MYH15: variants seen among roughly 807,000 people sequenced by gnomAD.
MYH15 encodes the protein myosin-15.
A neutral mutation model predicts 240.5 loss-of-function variants in MYH15; 227 were observed. The observed-to-expected ratio is 0.94, with a 90% CI of 0.85 to 1.05. The LOEUF (loss-of-function observed/expected upper bound fraction) is 1.05, where lower values mean the gene tolerates loss of function less well. MYH15 is among the 50% of genes least tolerant of loss of function. MYH15 has a pLI of 0.00. For synonymous variants in MYH15, 785 were observed against 796.7 expected (o/e 0.99, Z 0.25); for missense variants, 2,217 against 2,247.5 (o/e 0.99, Z 0.27).
At chr3:108,408,216 T>C (rs1269622808) in intron 32 of MYH15, 64 bp downstream of exon 32, 7 of 1,537,250 alleles carry the variant, frequency 4.6e-6, no homozygotes, top group Non-Finnish European at 6.1e-6. Context: ...GCTGCTGTTA[T>C]TGCTGAATGC....
Position 108,455,713 on chromosome 3 carries a change from A to G in MYH15, c.2262+23T>C, listed in dbSNP as rs769623921. 4 of 1,612,460 alleles carry G rather than the reference A, an allele frequency of 2.5e-6. No individual in the cohort carries two copies. The Admixed American group carries it at 5.0e-5, about 20-fold the overall frequency. ...CTTCCCCCCATTCGTCTCCAAATGC[A>G]TTCTTTGCAGTTTTCTGGTTACCTT... On this transcript the variant is annotated intron_variant, in intron 20 of 40. Coordinates refer to ENST00000693548, the MANE Select transcript of MYH15 (RefSeq NM_014981.3).
intron 29 of MYH15, among the ~76,000 whole-genome samples, chr3:108,416,261 G>T (rs1291500192): frequency 6.6e-6 from 1 of 152,136 alleles, no homozygotes; most frequent in African/African-American, 2.4e-5. Flanking sequence ...ATAGTTTGGG[G>T]TCTTAGTAAT....
rs2083084951 is a variant in MYH15 at position 108,463,131 on chromosome 3, T to G, written c.1844A>C (p.Asn615Thr). 2 of 1,611,210 alleles carry G rather than the reference T, an allele frequency of 1.2e-6. No individual in the cohort carries two copies. Among genetic ancestry groups the G allele is most frequent in the African/African-American group, 2.7e-5 (2 of 74,694 alleles). ...CTCACCACTGTCAGTACTCATGTAA[T>G]TTTCAAAAAGGCTCGCCAGGAGTCT... ...SNRLLASLFE[N>T]YMSTDSAIPF... Residue 615 changes from asparagine to threonine, a missense_variant, in exon 16 of 41, where the codon AAT (asparagine) becomes ACT (threonine). By Grantham distance (65) the Asn-to-Thr change is moderately conservative. Transcript: ENST00000693548.
chr3:108,461,964 A>C (rs2107581700), intron 16 of MYH15: 1 of 152,282 alleles, frequency 6.6e-6, no homozygotes, highest in South Asian at 2.1e-4. Flanking sequence ...TTTAAAGAAC[A>C]GTTGGTGTAC....
intron 25 of MYH15, among the ~76,000 whole-genome samples, chr3:108,431,584 A>G (rs2082779706): frequency 6.6e-6 from 1 of 152,162 alleles, no homozygotes; most frequent in Admixed American, 6.5e-5. Flanking sequence ...TCCTGTATAA[A>G]TTACCCAGTC....
chr3:108,416,709 C>A (rs894908736), intron 29 of MYH15, 103 bp downstream of exon 29: 35 of 987,914 alleles, frequency 3.5e-5, no homozygotes, highest in Non-Finnish European at 4.8e-5. Flanking sequence ...GGCATTTTCC[C>A]TTCTTCTTTT....
chr3:108,499,994 G>A, intron 4 of MYH15, 124 bp downstream of exon 4: 3 of 1,112,656 alleles, frequency 2.7e-6, no homozygotes. Flanking sequence ...GGAAACAGAG[G>A]CTTCAAGTGA....
At chr3:108,504,924 T>C (rs955809011) in intron 2 of MYH15, among the ~76,000 whole-genome samples, 1 of 152,220 alleles carries the variant, frequency 6.6e-6, no homozygotes, top group African/African-American at 2.4e-5. Context: ...AGGTCATAGA[T>C]GACCTCCTAA....
At chr3:108,392,744 C>T (rs906780733) in intron 36 of MYH15, among the ~76,000 whole-genome samples, 2 of 152,338 alleles carry the variant, frequency 1.3e-5, no homozygotes, top group African/African-American at 4.8e-5. Flanking sequence ...CACTTTTCAA[C>T]ACTGTCAAGA....
At chr3:108,391,679 G>T in intron 37 of MYH15, 81 bp downstream of exon 37, 2 of 1,405,814 alleles carry the variant, frequency 1.4e-6, no homozygotes, top group Non-Finnish European at 2.0e-6. Context: ...TGTGTTGGGG[G>T]GCAGATCTAG....
intron 25 of MYH15, among the ~76,000 whole-genome samples, chr3:108,432,044 T>C (rs1321609107): frequency 6.8e-6 from 1 of 147,706 alleles, no homozygotes; most frequent in African/African-American, 2.4e-5. Flanking sequence ...TTGGGTGCTG[T>C]TAAATGCATT....
At chr3:108,528,338 T>C (rs1423012866) in intron 1 of MYH15, among the ~76,000 whole-genome samples, 1 of 152,166 alleles carries the variant, frequency 6.6e-6, no homozygotes, top group Admixed American at 6.6e-5. Flanking sequence ...TTCTTAATAA[T>C]AAAGAATGGC....
At chr3:108,526,836 G>C (rs897045852) in intron 1 of MYH15, among the ~76,000 whole-genome samples, 1 of 152,108 alleles carries the variant, frequency 6.6e-6, no homozygotes, top group African/African-American at 2.4e-5. Flanking sequence ...CTGAGGAAAA[G>C]GGTGAGGACT....
chr3:108,430,913 T>TTTAG lies in MYH15; in HGVS notation c.3230_3231insCTAA (p.Leu1077PhefsTer2), dbSNP rs2082773502. 4.4e-6 allele frequency: 7 copies of TTTAG among 1,607,166 alleles called. No individual in the cohort carries two copies. The highest frequency in any genetic ancestry group is 3.4e-6 in the Non-Finnish European group (4 of 1,175,554). On this transcript the variant is annotated stop_gained and frameshift_variant, in exon 26 of 41. Transcript: ENST00000693548. LOFTEE classifies it high-confidence loss of function. ...CTTTTGAATTCATCTGACTCAATTC[T>TTTAG]AATTCTTTTCTGTTTAGAAAAAGAT...
chr3:108,478,536 G>T (rs1276826189), intron 11 of MYH15, among the ~76,000 whole-genome samples: 1 of 152,052 alleles, frequency 6.6e-6, no homozygotes. Context: ...TAGACTTTTT[G>T]AACTGAAAGA....
At chr3:108,433,036 G>A (rs975464664) in intron 25 of MYH15, among the ~76,000 whole-genome samples, 12 of 152,142 alleles carry the variant, frequency 7.9e-5, no homozygotes, top group Non-Finnish European at 4.4e-5. Flanking sequence ...TTTGCACCAC[G>A]CACCTGGAAA....
rs1463499250 is a variant in MYH15, at chr3:108,476,039, T to TA, written c.1233+357dup. Among the ~76,000 whole-genome samples the TA allele has an allele frequency of 3.3e-5, 5 of 152,308 alleles. No individual in the cohort carries two copies. The East Asian group carries it at 9.6e-4, about 29-fold the overall frequency. On this transcript the variant is annotated intron_variant, in intron 12 of 40. Transcript: ENST00000693548. ...ATGCCAAAGGAGCCAATATGCCAAA[T>TA]ACGTGAAGCATGCCAATTTGCCAAT... is the stretch of plus-strand genomic sequence containing the variant.
chr3:108,476,273 T>C, intron 12 of MYH15, 124 bp downstream of exon 12: 1 of 578,476 alleles, frequency 1.7e-6, no homozygotes, highest in Non-Finnish European at 3.0e-6. Context: ...AGAGCTCTTT[T>C]TTGCTTATTT....
At chr3:108,453,303 T>C (rs1197561017) in intron 21 of MYH15, among the ~76,000 whole-genome samples, 3 of 152,152 alleles carry the variant, frequency 2.0e-5, no homozygotes, top group Non-Finnish European at 2.9e-5. Flanking sequence ...ATAATCTTTT[T>C]CTCTTGGGAA....
Sources: gnomAD v4.1 joint callset for allele counts (sites outside exome capture counted in the v4.1 genomes callset) on GRCh38, gnomAD v4.1.1 for gene constraint, MANE v1.5 for transcripts, NCBI Gene and HGNC (gene_info 2026-07-23, HGNC 2026-07-21) for gene names.